Variants in SORCS2 observed in about 807,000 individuals in gnomAD.
The protein encoded by SORCS2 is sortilin related VPS10 domain containing receptor 2, also known as VPS10 domain-containing receptor SorCS2.
In SORCS2, 100 loss-of-function variants were observed where a neutral mutation model predicts 141.6. The ratio of observed to expected loss-of-function variants is 0.71; its 90% CI spans 0.60 to 0.83. The LOEUF is 0.83. Ranked by LOEUF, SORCS2 falls within the 40% of genes least tolerant of loss-of-function variation. SORCS2 has a pLI of 0.00. For missense variants in SORCS2, 1,646 were observed against 1,560.2 expected (o/e 1.05, Z -0.93); for synonymous variants, 789 against 676.9 (o/e 1.17, Z -2.57).
intron 1 of SORCS2, among the ~76,000 whole-genome samples, chr4:7,210,112 C>A (rs1727977030): frequency 6.6e-6 from 1 of 152,172 alleles, no homozygotes; most frequent in South Asian, 2.1e-4. Flanking sequence ...GGGAGGGTCT[C>A]TCAGAGGAGG....
intron 2 of SORCS2, among the ~76,000 whole-genome samples, chr4:7,512,001 G>T (rs1271422389): frequency 6.6e-6 from 1 of 152,228 alleles, no homozygotes; most frequent in Non-Finnish European, 1.5e-5. Context: ...AGGCAGCAGT[G>T]TGGACACCGC....
chr4:7,230,215 A>C (rs1341408227), intron 1 of SORCS2, among the ~76,000 whole-genome samples: 3 of 131,558 alleles, frequency 2.3e-5, no homozygotes, highest in Non-Finnish European at 4.8e-5. Flanking sequence ...TGTCTGGAGC[A>C]GTGTCATGTG....
At chr4:7,583,657 A>G (rs577963760) in intron 3 of SORCS2, among the ~76,000 whole-genome samples, 1 of 152,308 alleles carries the variant, frequency 6.6e-6, no homozygotes, top group East Asian at 1.9e-4. Flanking sequence ...CTTGGCTCTC[A>G]TTCTTTCATC....
At chr4:7,518,021 GTGTGTGCCT>G (rs1392519455) in intron 2 of SORCS2, among the ~76,000 whole-genome samples, 2 of 152,236 alleles carry the variant, frequency 1.3e-5, no homozygotes, top group African/African-American at 4.8e-5. Flanking sequence ...ACACAGGTCT[GTGTGTGCCT>G]TGTAACTGAA....
At chr4:7,481,851 G>A (rs890535824) in intron 2 of SORCS2, among the ~76,000 whole-genome samples, 3 of 152,234 alleles carry the variant, frequency 2.0e-5, no homozygotes, top group Non-Finnish European at 4.4e-5. Context: ...CCTTTGTCAC[G>A]CTGGATGGTT....
At chr4:7,324,692 AAAAAC>A (rs1334666418) in intron 1 of SORCS2, among the ~76,000 whole-genome samples, 6 of 152,228 alleles carry the variant, frequency 3.9e-5, no homozygotes, top group South Asian at 4.1e-4. Context: ...CCACCCTGCA[AAAAAC>A]AAAACAAAAC....
chr4:7,449,645 G>A (rs375889100), intron 2 of SORCS2, among the ~76,000 whole-genome samples: 1 of 151,870 alleles, frequency 6.6e-6, no homozygotes, highest in African/African-American at 2.4e-5. Flanking sequence ...CACGTTGGGT[G>A]GGCTTGGCTC....
chr4:7,366,480 CCT>C (rs1258089985), intron 1 of SORCS2, among the ~76,000 whole-genome samples: 1 of 117,716 alleles, frequency 8.5e-6, no homozygotes, highest in African/African-American at 3.1e-5. Flanking sequence ...CCCCTCCCCC[CCT>C]CTCTCCCCCA....
chr4:7,641,095 C>A (rs1190356380), intron 4 of SORCS2, among the ~76,000 whole-genome samples: 1 of 152,168 alleles, frequency 6.6e-6, no homozygotes, highest in Non-Finnish European at 1.5e-5. Flanking sequence ...CCACCGCAGG[C>A]CAGCTTGGGC....
chr4:7,659,592 A>G (rs1026254726), intron 5 of SORCS2, among the ~76,000 whole-genome samples: 8 of 152,230 alleles, frequency 5.3e-5, no homozygotes, highest in Non-Finnish European at 8.8e-5. Context: ...CTGCCTCTGC[A>G]GCACTGAGAG....
chr4:7,367,396 C>T (rs1307634962), intron 1 of SORCS2, among the ~76,000 whole-genome samples: 3 of 152,178 alleles, frequency 2.0e-5, no homozygotes, highest in African/African-American at 7.2e-5. Context: ...GCTGTGTGAC[C>T]GTGGGTAAGT....
chr4:7,438,769 A>G (rs942604081), intron 2 of SORCS2, among the ~76,000 whole-genome samples: 1 of 151,856 alleles, frequency 6.6e-6, no homozygotes, highest in Non-Finnish European at 1.5e-5. Flanking sequence ...CACCTGTCCC[A>G]CTTGCTTCGA....
rs868599691 is a variant in SORCS2 at position 7,201,668 on chromosome 4, T to C, written c.480+8542T>C. Among the ~76,000 whole-genome samples the C allele has an allele frequency of 3.9e-5, 6 of 152,332 alleles. No individual in the cohort carries two copies. The highest frequency in any genetic ancestry group is 8.8e-5 in the Non-Finnish European group (6 of 68,030). On this transcript the variant is annotated intron_variant, in intron 1 of 26. Transcript: ENST00000507866. The surrounding 1 kb of genome is among the most constrained non-coding windows in gnomAD (Gnocchi z 4.4). ...GAGGGGAAGCTTGTACGTTGCCTCC[T>C]CTTTTGGGGCCGCCTTGTCTTTCTT...
intron 23 of SORCS2, among the ~76,000 whole-genome samples, chr4:7,731,795 C>T (rs1374216333): frequency 1.3e-5 from 2 of 152,222 alleles, no homozygotes; most frequent in Non-Finnish European, 2.9e-5. Flanking sequence ...ACACCCTCTA[C>T]AAAATCCAGC....
chr4:7,520,395 G>T (rs1326977191), intron 2 of SORCS2, among the ~76,000 whole-genome samples: 1 of 152,202 alleles, frequency 6.6e-6, no homozygotes, highest in Non-Finnish European at 1.5e-5. Flanking sequence ...CGTGGGTCAG[G>T]TCCGAGGTCA....
chr4:7,241,504 T>C (rs1231870654), intron 1 of SORCS2, among the ~76,000 whole-genome samples: 2 of 152,176 alleles, frequency 1.3e-5, no homozygotes, highest in East Asian at 3.9e-4. Flanking sequence ...GTTTTTTACT[T>C]ACTGTGCACT....
intron 2 of SORCS2, chr4:7,434,483 C>A: frequency 6.2e-7 from 1 of 1,611,918 alleles, no homozygotes; most frequent in South Asian, 1.1e-5. Context: ...GCTGTGCACA[C>A]CTGTGCCGGG....
chr4:7,503,361 T>G (rs1179439587), intron 2 of SORCS2, among the ~76,000 whole-genome samples: 1 of 152,174 alleles, frequency 6.6e-6, no homozygotes, highest in Non-Finnish European at 1.5e-5. Context: ...CCCAGAAGTT[T>G]GAGGTTGGCA....
intron 11 of SORCS2, among the ~76,000 whole-genome samples, chr4:7,693,008 C>T (rs1416523350): frequency 6.6e-6 from 1 of 152,124 alleles, no homozygotes; most frequent in African/African-American, 2.4e-5. Context: ...TGACTTTTAA[C>T]CCCCCGGTGG....
Sources: allele counts gnomAD v4.1 joint callset (sites outside exome capture counted in the v4.1 genomes callset), GRCh38; gene constraint gnomAD v4.1.1; non-coding constraint Gnocchi (gnomAD v3.1); transcripts MANE v1.5; gene names NCBI Gene and HGNC (gene_info 2026-07-23, HGNC 2026-07-21).